The following PPP2R5C variants were observed in gnomAD, a reference collection of about 807,000 sequenced individuals.
The protein encoded by PPP2R5C is serine/threonine-protein phosphatase 2A 56 kDa regulatory subunit gamma isoform.
Under a neutral mutation model 68.9 loss-of-function variants are expected in PPP2R5C, and 7 were observed. The observed-to-expected ratio is 0.10, with a 90% CI of 0.06 to 0.19. PPP2R5C has a LOEUF of 0.19. Ranked by LOEUF, PPP2R5C falls within the 10% of genes least tolerant of loss-of-function variation. The pLI is 1.00. For synonymous variants in PPP2R5C, 210 were observed against 222.2 expected (o/e 0.95, Z 0.49); for missense variants, 348 against 641.3 (o/e 0.54, Z 4.94).
chr14:101,808,187 G>A (rs929119683), upstream of PPP2R5C, among the ~76,000 whole-genome samples: 1 of 151,284 alleles, frequency 6.6e-6, no homozygotes, highest in Non-Finnish European at 1.5e-5. Context: ...ATCCCCTCCA[G>A]ACAGACAACC....
intron 1 of PPP2R5C, among the ~76,000 whole-genome samples, chr14:101,837,662 G>A (rs776887148): frequency 2.4e-4 from 36 of 152,222 alleles, no homozygotes; most frequent in Non-Finnish European, 4.3e-4. Flanking sequence ...GGCGAGGACT[G>A]TGGGCTTTGT....
chr14:101,775,951 C>T (rs896966314), intron 2 of PPP2R5C, among the ~76,000 whole-genome samples: 4 of 151,976 alleles, frequency 2.6e-5, no homozygotes, highest in African/African-American at 4.8e-5. Flanking sequence ...GGGGAGGGAA[C>T]GACTTCCTCT....
At chr14:101,846,254 G>C (rs1595361551) in intron 1 of PPP2R5C, among the ~76,000 whole-genome samples, 1 of 152,170 alleles carries the variant, frequency 6.6e-6, no homozygotes, top group African/African-American at 2.4e-5. Flanking sequence ...TTAGAAACCT[G>C]AGCAGAGGCA....
At chr14:101,927,983 C>G (rs148393597), downstream of PPP2R5C, 1 of 152,326 alleles carries the variant, frequency 6.6e-6, no homozygotes, top group East Asian at 1.9e-4. Context: ...TTTTATTGCT[C>G]ATCATGAAAC....
chr14:101,817,192 G>A (rs745357981), intron 1 of PPP2R5C, among the ~76,000 whole-genome samples: 6 of 151,714 alleles, frequency 4.0e-5, no homozygotes, highest in South Asian at 2.1e-4. Context: ...TCCTGACCTC[G>A]TGTTCCACCC....
intron 1 of PPP2R5C, chr14:101,819,025 G>A: frequency 1.3e-6 from 2 of 1,551,550 alleles, no homozygotes; most frequent in South Asian, 1.2e-5. Flanking sequence ...AAGCCCTAAA[G>A]TACCACCTCC....
At chr14:101,892,400 G>T (rs1490685450) in intron 6 of PPP2R5C, among the ~76,000 whole-genome samples, 1 of 139,624 alleles carries the variant, frequency 7.2e-6, no homozygotes, top group African/African-American at 2.5e-5. Flanking sequence ...GGGGTGGGGG[G>T]GGTCCCACGT....
At chr14:101,775,409 C>A (rs1396867089) in intron 2 of PPP2R5C, among the ~76,000 whole-genome samples, 1 of 152,136 alleles carries the variant, frequency 6.6e-6, no homozygotes, top group Non-Finnish European at 1.5e-5. Flanking sequence ...AATAGACTTC[C>A]ATGTATCTGC....
At chr14:101,883,117 T>A in intron 3 of PPP2R5C, 140 bp from the exon 6 acceptor site, 1 of 620,840 alleles carries the variant, frequency 1.6e-6, no homozygotes, top group East Asian at 2.8e-5. Flanking sequence ...TTAAGCCATG[T>A]AATTTAGCAT....
intron 9 of PPP2R5C, among the ~76,000 whole-genome samples, chr14:101,905,539 C>A (rs1436903692): frequency 6.6e-6 from 1 of 151,982 alleles, no homozygotes; most frequent in Non-Finnish European, 1.5e-5. Flanking sequence ...CGCCTGTAAT[C>A]CCAGCCCCTC....
chr14:101,810,044 A>T (rs2140184064), intron 1 of PPP2R5C: 1 of 1,611,940 alleles, frequency 6.2e-7, no homozygotes, highest in East Asian at 2.2e-5. Flanking sequence ...GAGGTAAGTT[A>T]TTGTGTGTTT....
chr14:101,845,580 C>T (rs574343187), intron 1 of PPP2R5C, among the ~76,000 whole-genome samples: 1 of 152,088 alleles, frequency 6.6e-6, no homozygotes, highest in East Asian at 1.9e-4. Context: ...AAAATATCTG[C>T]CTTATTAAAT....
At position 101,825,250 on chromosome 14, in the gene PPP2R5C, T is replaced by TG. The variant is rs2040328685; in HGVS notation, c.94+15215dup. Among the ~76,000 whole-genome samples the TG allele has an allele frequency of 1.0e-5, 1 of 100,120 alleles. No individual in the cohort carries two copies. Among genetic ancestry groups the TG allele is most frequent in the African/African-American group, 4.9e-5 (1 of 20,440 alleles). 65.7% of individuals were successfully genotyped at this position (100,120 alleles called of 152,430 possible). A position where few individuals can be genotyped will look rare whatever the true frequency, so the allele number is the denominator to read the frequency against. On this transcript the variant is annotated intron_variant, in intron 1 of 13. Coordinates refer to ENST00000334743, the Ensembl canonical transcript of PPP2R5C. This position sits in a 1 kb window ranked among gnomAD's most constrained non-coding sequence, Gnocchi z 4.0. ...TGTGTGTGTGTGTGTGTGTGTGTGTTGATGAATTTATTACTTATTAAAAAA... is the reference window on the plus strand; with the variant it reads ...TGTGTGTGTGTGTGTGTGTGTGTGTTGGATGAATTTATTACTTATTAAAAAA...
chr14:101,762,061 G>A (rs2036572857), intron 1 of PPP2R5C, 141 bp downstream of exon 1: 4 of 905,490 alleles, frequency 4.4e-6, no homozygotes, highest in South Asian at 5.3e-5. Flanking sequence ...GAGGGCGGCC[G>A]AGCCAGGCAT....
intron 1 of PPP2R5C, among the ~76,000 whole-genome samples, chr14:101,828,352 A>G (rs1345333033): frequency 6.6e-6 from 1 of 152,144 alleles, no homozygotes; most frequent in Non-Finnish European, 1.5e-5. Flanking sequence ...AATGCACTAA[A>G]TGCCCCTGAA....
intron 2 of PPP2R5C, among the ~76,000 whole-genome samples, chr14:101,768,889 A>G (rs2037001215): frequency 6.6e-6 from 1 of 150,972 alleles, no homozygotes. Flanking sequence ...CAGTGGCGCA[A>G]TCTCCGCTCA....
rs2046480390 is a variant in PPP2R5C at position 101,913,059 on chromosome 14, A to G, written c.1326+586A>G. ...ACGTCCCGGAGCTGCCGGCAGTTCC[A>G]GCTGCCGGGGCTGCCAGGGTCCGGG... is the stretch of plus-strand genomic sequence containing the variant. On this transcript the variant is annotated intron_variant, in intron 12 of 13. Transcript: ENST00000334743. This position sits in a 1 kb window ranked among gnomAD's most constrained non-coding sequence, Gnocchi z 4.1. Among the ~76,000 whole-genome samples the G allele has an allele frequency of 6.6e-6, 1 of 152,200 alleles. No individual in the cohort carries two copies. Among genetic ancestry groups the G allele is most frequent in the Non-Finnish European group, 1.5e-5 (1 of 68,034 alleles).
intron 2 of PPP2R5C, among the ~76,000 whole-genome samples, chr14:101,779,346 T>G (rs2037565795): frequency 6.6e-6 from 1 of 152,058 alleles, no homozygotes; most frequent in Non-Finnish European, 1.5e-5. Flanking sequence ...CTGATGGAAG[T>G]GTAAGGGAAC....
At chr14:101,808,714 A>C (rs192654539), upstream of PPP2R5C, among the ~76,000 whole-genome samples, 2 of 152,332 alleles carry the variant, frequency 1.3e-5, no homozygotes, top group East Asian at 3.9e-4. Flanking sequence ...GGAAGAGAGC[A>C]GGGGAATTGT....
Sources: gnomAD v4.1 joint callset for allele counts (sites outside exome capture counted in the v4.1 genomes callset) on GRCh38, gnomAD v4.1.1 for gene constraint, Gnocchi (gnomAD v3.1) non-coding constraint, MANE v1.5 for transcripts, NCBI Gene and HGNC (gene_info 2026-07-23, HGNC 2026-07-21) for gene names.